TM9SF3: variants seen among roughly 807,000 people sequenced by gnomAD.
The protein encoded by TM9SF3 is SM-11044-binding protein.
Under a neutral mutation model 78.6 loss-of-function variants are expected in TM9SF3, and 14 were observed. That is an observed-to-expected ratio of 0.18 (90% CI 0.12 to 0.28). The LOEUF is 0.28. Among genes scored for constraint, TM9SF3 ranks in the 10% least tolerant of loss-of-function variants. The pLI is 1.00. For missense variants in TM9SF3, 496 were observed against 721.9 expected, an observed-to-expected ratio of 0.69 and a Z score of 3.59; for synonymous variants, 231 against 241.7, an observed-to-expected ratio of 0.96 and a Z score of 0.41.
At chr10:96,535,023 A>G (rs1423819229) in intron 9 of TM9SF3, among the ~76,000 whole-genome samples, 1 of 152,228 alleles carries the variant, frequency 6.6e-6, no homozygotes, top group Non-Finnish European at 1.5e-5. Flanking sequence ...TTGTATAAGC[A>G]AAAGTACTAC....
intron 2 of TM9SF3, among the ~76,000 whole-genome samples, chr10:96,568,147 A>T (rs1030892380): frequency 1.3e-5 from 2 of 152,234 alleles, no homozygotes; most frequent in African/African-American, 4.8e-5. Flanking sequence ...ACAAATACAA[A>T]CATCACAAAT....
At position 96,559,645 on chromosome 10, in the gene TM9SF3, C is replaced by A; in HGVS notation, c.660+14G>T. 2 of 1,556,312 alleles carry A rather than the reference C, an allele frequency of 1.3e-6. No homozygotes were observed. The highest frequency in any genetic ancestry group is 1.2e-5 in the South Asian group (1 of 82,940). On this transcript the variant is annotated intron_variant, in intron 5 of 14. Transcript: ENST00000371142. ...TGCACATAATCAATGTCTTAAAATA[C>A]ACTATTTACCTACCCGATGTTGAAA...
intron 1 of TM9SF3, among the ~76,000 whole-genome samples, chr10:96,582,362 G>A (rs1345943767): frequency 6.6e-6 from 1 of 152,178 alleles, no homozygotes; most frequent in Non-Finnish European, 1.5e-5. Flanking sequence ...CAGGCCATTA[G>A]GAAAATGAAG....
rs1847765041 is a variant in TM9SF3 at position 96,521,222 on chromosome 10, A to T, written c.*1041T>A. On this transcript the variant is annotated 3_prime_UTR_variant, in exon 15 of 15. Transcript: ENST00000371142. ...TAGGCAAGATGTAAAAGCCCACCCA[A>T]ATCACACATTTCTACACCAATCATC... The T allele has an allele frequency of 4.0e-6, 1 of 252,286 alleles. No individual in the cohort carries two copies. The highest frequency in any genetic ancestry group is 1.7e-4 in the South Asian group (1 of 5,732). The allele number at this position is 252,286 out of a possible 1,614,324, so 15.6% of individuals were successfully genotyped here.
intron 1 of TM9SF3, among the ~76,000 whole-genome samples, chr10:96,581,057 G>C (rs956586137): frequency 1.3e-5 from 2 of 152,096 alleles, no homozygotes; most frequent in Non-Finnish European, 2.9e-5. Flanking sequence ...CCTGAACACT[G>C]AATAACTTTT....
intron 1 of TM9SF3, among the ~76,000 whole-genome samples, chr10:96,584,023 A>G (rs1056471181): frequency 5.3e-5 from 8 of 152,110 alleles, no homozygotes; most frequent in African/African-American, 1.9e-4. Context: ...GACAAGAGCA[A>G]AACTATGCCT....
In TM9SF3 at chr10:96,519,080, G is replaced by C. The variant is rs1489152003; in HGVS notation, c.*3183C>G. On this transcript the variant is annotated 3_prime_UTR_variant, in exon 15 of 15. Coordinates refer to ENST00000371142, the MANE Select transcript of TM9SF3 (RefSeq NM_020123.4). ...AGCCCTTCGGTATGTAGCTTTTCCT[G>C]AACAAATACATTAATACACTTTTTG... The C allele has an allele frequency of 2.0e-5, 3 of 152,076 alleles. No individual in the cohort carries two copies. The highest frequency in any genetic ancestry group is 3.9e-4 in the East Asian group (2 of 5,178). The allele number at this position is 152,076 out of a possible 1,614,324, so 9.4% of individuals were successfully genotyped here. A position where few individuals can be genotyped will look rare whatever the true frequency, so the allele number is the denominator to read the frequency against.
chr10:96,527,501 TG>T lies in TM9SF3; in HGVS notation c.1542-6del. The T allele has an allele frequency of 6.2e-7, 1 of 1,603,550 alleles. No individual in the cohort carries two copies. Among genetic ancestry groups the T allele is most frequent in the Admixed American group, 1.7e-5 (1 of 59,092 alleles). ...GAGAGAAAACTTGTCCATTGCCTGG[TG>T]GGGGGAGGGGGAAAGAAGATAAATC... On this transcript the variant is annotated splice_polypyrimidine_tract_variant and splice_region_variant and intron_variant, in intron 12 of 14. Transcript: ENST00000371142.
At chr10:96,584,285 T>G (rs1477595829) in intron 1 of TM9SF3, among the ~76,000 whole-genome samples, 1 of 152,210 alleles carries the variant, frequency 6.6e-6, no homozygotes, top group Non-Finnish European at 1.5e-5. Context: ...TTCTGCTTCT[T>G]TGACAGAAAA....
chr10:96,567,469 C>T (rs189283513), intron 2 of TM9SF3, among the ~76,000 whole-genome samples: 14 of 152,284 alleles, frequency 9.2e-5, no homozygotes, highest in Middle Eastern at 3.4e-3. Context: ...TCTGCCTCTA[C>T]GCTCAAGCCA....
intron 2 of TM9SF3, among the ~76,000 whole-genome samples, chr10:96,566,345 A>G (rs1848370462): frequency 6.6e-6 from 1 of 151,466 alleles, no homozygotes; most frequent in Non-Finnish European, 1.5e-5. Context: ...TTTATTGATC[A>G]AAAGTTCTTA....
intron 5 of TM9SF3, among the ~76,000 whole-genome samples, 196 bp downstream of exon 5, chr10:96,559,463 A>C (rs959157308): frequency 6.6e-6 from 1 of 152,138 alleles, no homozygotes; most frequent in Non-Finnish European, 1.5e-5. Context: ...CCACAAGCAC[A>C]AAGAAGGAAG....
At chr10:96,565,704 T>C (rs1431281401) in intron 2 of TM9SF3, among the ~76,000 whole-genome samples, 1 of 151,972 alleles carries the variant, frequency 6.6e-6, no homozygotes, top group Non-Finnish European at 1.5e-5. Context: ...TACAAGAAAA[T>C]TTATAAAGTA....
intron 3 of TM9SF3, among the ~76,000 whole-genome samples, chr10:96,564,128 CAA>C (rs11379304): frequency 1.6e-4 from 21 of 129,204 alleles, no homozygotes; most frequent in East Asian, 2.3e-4. Context: ...ACAAACACAC[CAA>C]AAAAAAAAAA....
chr10:96,579,738 T>A (rs777011591), intron 1 of TM9SF3, among the ~76,000 whole-genome samples: 1 of 152,226 alleles, frequency 6.6e-6, no homozygotes, highest in African/African-American at 2.4e-5. Flanking sequence ...TTCTTTTGTT[T>A]TGCTCCTTAC....
intron 8 of TM9SF3, among the ~76,000 whole-genome samples, chr10:96,544,512 T>G (rs1848074483): frequency 6.6e-6 from 1 of 151,624 alleles, no homozygotes; most frequent in South Asian, 2.1e-4. Flanking sequence ...TAGAAAGGGG[T>G]TTTTATTACT....
At chr10:96,548,500 C>T (rs542334784) in intron 7 of TM9SF3, among the ~76,000 whole-genome samples, 4 of 152,146 alleles carry the variant, frequency 2.6e-5, no homozygotes, top group African/African-American at 9.6e-5. Context: ...CCTCATGCTG[C>T]TGAAAATGAT....
At chr10:96,580,006 G>A (rs979907843) in intron 1 of TM9SF3, among the ~76,000 whole-genome samples, 5 of 152,212 alleles carry the variant, frequency 3.3e-5, no homozygotes, top group African/African-American at 1.2e-4. Flanking sequence ...TGGGAAGAGA[G>A]TGCTAGGCCC....
At chr10:96,582,407 TA>T (rs1355372183) in intron 1 of TM9SF3, among the ~76,000 whole-genome samples, 1 of 152,228 alleles carries the variant, frequency 6.6e-6, no homozygotes, top group Non-Finnish European at 1.5e-5. Context: ...TTTCTAGTTC[TA>T]AAATTCTATG....
Sources: gnomAD v4.1 joint callset for allele counts (sites outside exome capture counted in the v4.1 genomes callset) on GRCh38, gnomAD v4.1.1 for gene constraint, MANE v1.5 for transcripts, NCBI Gene and HGNC (gene_info 2026-07-23, HGNC 2026-07-21) for gene names.